Variants in TMEM132E observed in about 807,000 individuals in gnomAD.
TMEM132E encodes transmembrane protein 132E.
In TMEM132E, 49 loss-of-function variants were observed where a neutral mutation model predicts 78.5. That is an observed-to-expected ratio of 0.62 (90% CI 0.50 to 0.79). The LOEUF is 0.79. Ranked by LOEUF, TMEM132E falls within the 30% of genes least tolerant of loss-of-function variation. TMEM132E has a pLI of 0.00. For missense variants in TMEM132E, 1,403 were observed against 1,470.9 expected (o/e 0.95, Z 0.75); for synonymous variants, 715 against 670.6 (o/e 1.07, Z -1.02).
At chr17:34,628,769 G>A in intron 3 of TMEM132E, 60 bp downstream of exon 3, 1 of 1,496,772 alleles carries the variant, frequency 6.7e-7, no homozygotes. Flanking sequence ...GAGAGGAGTG[G>A]GGAATCTTTG....
At chr17:34,595,222 C>T (rs1906014858) in intron 1 of TMEM132E, among the ~76,000 whole-genome samples, 1 of 152,212 alleles carries the variant, frequency 6.6e-6, no homozygotes, top group African/African-American at 2.4e-5. Flanking sequence ...GTTAGGGAAC[C>T]TCAGCTCTGA....
intron 1 of TMEM132E, among the ~76,000 whole-genome samples, chr17:34,604,358 A>G (rs1227871527): frequency 1.3e-5 from 2 of 152,260 alleles, no homozygotes; most frequent in Non-Finnish European, 2.9e-5. Context: ...TCCCCAGCAC[A>G]CCATCCGCCA....
chr17:34,621,798 G>T (rs1401844794), intron 1 of TMEM132E, among the ~76,000 whole-genome samples: 1 of 151,616 alleles, frequency 6.6e-6, no homozygotes, highest in Non-Finnish European at 1.5e-5. Context: ...TGGAAGTGGG[G>T]GGCGGGCAGG....
intron 1 of TMEM132E, 83 bp downstream of exon 1, chr17:34,581,226 C>A: frequency 8.1e-7 from 1 of 1,236,932 alleles, no homozygotes; most frequent in South Asian, 1.7e-5. Flanking sequence ...GAGAGGAGCA[C>A]CCACACCCCC....
At chr17:34,611,627 C>T (rs1170298017) in intron 1 of TMEM132E, among the ~76,000 whole-genome samples, 1 of 152,126 alleles carries the variant, frequency 6.6e-6, no homozygotes, top group Non-Finnish European at 1.5e-5. Flanking sequence ...GTGGGGAAGA[C>T]CAGGCAGCTG....
intron 7 of TMEM132E, 125 bp from the exon 8 acceptor site, chr17:34,635,882 T>TCCCAG: frequency 9.8e-7 from 1 of 1,015,252 alleles, no homozygotes; most frequent in East Asian, 3.3e-5. Context: ...AAGTCCTGCC[T>TCCCAG]CCCAGCCTGC....
intron 1 of TMEM132E, among the ~76,000 whole-genome samples, chr17:34,608,420 C>T (rs7210915): frequency 0.63 from 96,479 of 152,118 alleles, 30,873 homozygotes; most frequent in East Asian, 0.84. Context: ...GTTGGGAAGA[C>T]GGATGCATAT....
rs1163436644 is a variant in TMEM132E at position 34,580,952 on chromosome 17, C to G, written c.-125C>G. The G allele has an allele frequency of 6.0e-6, 4 of 670,926 alleles. No individual in the cohort carries two copies. Among genetic ancestry groups the G allele is most frequent in the Middle Eastern group, 2.7e-4 (1 of 3,758 alleles). 41.6% of individuals were successfully genotyped at this position (670,926 alleles called of 1,614,324 possible). On this transcript the variant is annotated 5_prime_UTR_variant, in exon 1 of 9. Coordinates refer to ENST00000631683, the MANE Select transcript of TMEM132E (RefSeq NM_001304438.2). ...TGTCCCCGAATTGCACTCTCTGGTC[C>G]CGGAGCTGCATCTGAGACAGCCGGG...
In TMEM132E at chr17:34,613,211, A is replaced by ACACACACACACACACGCG; in HGVS notation, c.68-12915_68-12914insACACACACACACACGCGC. Among the ~76,000 whole-genome samples, 87 of 115,964 alleles carry ACACACACACACACACGCG rather than the reference A, an allele frequency of 7.5e-4. 1 individual carries two copies. The highest frequency in any genetic ancestry group is 2.4e-3 in the South Asian group (7 of 2,930). The allele number at this position is 115,964 out of a possible 152,430, so 76.1% of individuals were successfully genotyped here. On this transcript the variant is annotated intron_variant, in intron 1 of 8. Transcript: ENST00000631683. ...CACACACACACCCACACACACACAC[A>ACACACACACACACACGCG]CGCGCGCGCGCGCGCGTTCTTACAT...
intron 1 of TMEM132E, among the ~76,000 whole-genome samples, chr17:34,597,631 T>A (rs1447785320): frequency 6.6e-6 from 1 of 152,194 alleles, no homozygotes; most frequent in Non-Finnish European, 1.5e-5. Flanking sequence ...TGACACCCCA[T>A]GGAGGTGAAC....
chr17:34,624,778 A>G (rs1907068797), intron 1 of TMEM132E, among the ~76,000 whole-genome samples: 1 of 152,180 alleles, frequency 6.6e-6, no homozygotes, highest in Non-Finnish European at 1.5e-5. Flanking sequence ...TTTATTTTGT[A>G]AGCAGATAGG....
At chr17:34,586,188 G>A (rs761358091) in intron 1 of TMEM132E, among the ~76,000 whole-genome samples, 4 of 152,050 alleles carry the variant, frequency 2.6e-5, no homozygotes, top group East Asian at 3.9e-4. Context: ...TGGAAGAATC[G>A]TATTCTTCCT....
In TMEM132E at chr17:34,639,220, T is replaced by A. The variant is rs906467229; in HGVS notation, c.*988T>A. ...CCCCTACCCCATCCCACAGCCATTT[T>A]TCTCTCGGGTTCTACCCACCACTGT... On this transcript the variant is annotated 3_prime_UTR_variant, in exon 9 of 9. Transcript: ENST00000631683. 14 of 152,610 alleles carry A rather than the reference T, an allele frequency of 9.2e-5. No homozygotes were observed. The highest frequency in any genetic ancestry group is 3.1e-4 in the African/African-American group (13 of 41,438). 9.5% of individuals were successfully genotyped at this position (152,610 alleles called of 1,614,324 possible).
chr17:34,626,505 C>T lies in TMEM132E; in HGVS notation c.446C>T (p.Ala149Val). The change falls in exon 2 of 9, where the codon GCC becomes GTC. Residue 149 changes from alanine to valine, a missense_variant. Ala to Val is a moderately conservative substitution (Grantham distance 64, BLOSUM62 0). Transcript: ENST00000631683. ...GTGGTCCAGGTGCTGTTCTACGTAGCCGGCCGGGACTGGGACGACTTCGGC... is the reference window on the plus strand; with the variant it reads ...GTGGTCCAGGTGCTGTTCTACGTAGTCGGCCGGGACTGGGACGACTTCGGC... ...QPVVQVLFYV[A>V]GRDWDDFGVT... is the part of the protein sequence containing the mutation. 2 of 1,609,894 alleles carry T rather than the reference C, an allele frequency of 1.2e-6. No homozygotes were observed. Among genetic ancestry groups the T allele is most frequent in the South Asian group, 1.1e-5 (1 of 90,976 alleles).
At chr17:34,599,582 A>G (rs1344084948) in intron 1 of TMEM132E, among the ~76,000 whole-genome samples, 1 of 152,188 alleles carries the variant, frequency 6.6e-6, no homozygotes, top group Non-Finnish European at 1.5e-5. Context: ...GAAAGGCAAC[A>G]CTTTTGTGAA....
chr17:34,618,147 T>A (rs1906841421), intron 1 of TMEM132E, among the ~76,000 whole-genome samples: 2 of 152,274 alleles, frequency 1.3e-5, no homozygotes, highest in Admixed American at 6.5e-5. Context: ...TGCATTTATT[T>A]AATCTAACTC....
chr17:34,620,099 GC>G (rs1236641132), intron 1 of TMEM132E, among the ~76,000 whole-genome samples: 3 of 152,226 alleles, frequency 2.0e-5, no homozygotes, highest in Non-Finnish European at 4.4e-5. Flanking sequence ...GGCCAGGGGA[GC>G]CCCCACCCCT....
At chr17:34,583,832 G>A (rs996436532) in intron 1 of TMEM132E, among the ~76,000 whole-genome samples, 2 of 152,216 alleles carry the variant, frequency 1.3e-5, no homozygotes, top group Admixed American at 1.3e-4. Context: ...CTCCTGGACA[G>A]AGACCATGTG....
chr17:34,611,035 C>A (rs1906573915), intron 1 of TMEM132E, among the ~76,000 whole-genome samples: 1 of 152,232 alleles, frequency 6.6e-6, no homozygotes, highest in African/African-American at 2.4e-5. Flanking sequence ...TGATTCACAA[C>A]CTGTTTTTCA....
Sources: gnomAD v4.1 joint callset for allele counts (sites outside exome capture counted in the v4.1 genomes callset) on GRCh38, gnomAD v4.1.1 for gene constraint, MANE v1.5 for transcripts, NCBI Gene and HGNC (gene_info 2026-07-23, HGNC 2026-07-21) for gene names.